The following PRDM10 variants were observed in gnomAD, a reference collection of about 807,000 sequenced individuals.
PRDM10 encodes the protein PR/SET domain 10, also known as PR domain zinc finger protein 10.
In PRDM10, 65 loss-of-function variants were observed where a neutral mutation model predicts 133.1. The observed-to-expected ratio is 0.49, with a 90% CI of 0.40 to 0.60. The LOEUF (loss-of-function observed/expected upper bound fraction) is 0.60. Among genes scored for constraint, PRDM10 ranks in the 20% least tolerant of loss-of-function variants. The pLI is 0.00. For synonymous variants in PRDM10, 582 were observed against 580.4 expected (o/e 1.00, Z -0.04); for missense variants, 1,137 against 1,507.1 (o/e 0.75, Z 4.07).
intron 1 of PRDM10, among the ~76,000 whole-genome samples, chr11:129,996,289 C>T (rs1402134632): frequency 6.6e-6 from 1 of 152,164 alleles, no homozygotes; most frequent in Admixed American, 6.6e-5. Flanking sequence ...TCAACAAGGG[C>T]GGTGTGGGTT....
At chr11:129,997,975 G>C (rs55845284) in intron 1 of PRDM10, among the ~76,000 whole-genome samples, 11,079 of 151,888 alleles carry the variant, frequency 0.073, 495 homozygotes, top group Admixed American at 0.15. Context: ...TGCCACCTGG[G>C]AACACCCTAC....
chr11:129,976,075 G>C (rs745384440), intron 1 of PRDM10, among the ~76,000 whole-genome samples: 1 of 152,166 alleles, frequency 6.6e-6, no homozygotes, highest in Non-Finnish European at 1.5e-5. Flanking sequence ...GGAAGGTCCT[G>C]TCCAGTTCAC....
rs1257794572 is a variant in PRDM10, at chr11:129,947,436, G to A, written c.295-66C>T. ...ACCTGCTTTTGGTTCGCTGGTGCCTGCTGGCACAAACAGGGCGCAAGGGCT... is the reference window on the plus strand; with the variant it reads ...ACCTGCTTTTGGTTCGCTGGTGCCTACTGGCACAAACAGGGCGCAAGGGCT... On this transcript the variant is annotated intron_variant, in intron 4 of 20. Coordinates refer to ENST00000360871, the MANE Select transcript of PRDM10 (RefSeq NM_199437.2). The surrounding 1 kb of genome is among the most constrained non-coding windows in gnomAD (Gnocchi z 4.6). 3 of 1,602,426 alleles carry A rather than the reference G, an allele frequency of 1.9e-6. No individual in the cohort carries two copies. In the African/African-American group the frequency reaches 4.0e-5, roughly 21 times the overall value.
At position 129,932,216 on chromosome 11, in the gene PRDM10, T is replaced by C. The variant is rs900095622; in HGVS notation, c.1173A>G (p.Gly391=). ...LDVFSRTRGR[G]RGRGKRRFGP... is the part of the protein sequence containing the mutation. ...CGAATCGCCTCTTGCCTCGTCCCCT[T>C]CCTCTGCCTCTTGTTCTGGGGACAA... The change falls in exon 10 of 21, where the codon GGA becomes GGG. Residue 391 remains glycine (G), a synonymous_variant. Transcript: ENST00000360871. 2 of 1,614,046 alleles carry C rather than the reference T, an allele frequency of 1.2e-6. No individual in the cohort carries two copies. Among genetic ancestry groups the C allele is most frequent in the South Asian group, 1.1e-5 (1 of 91,058 alleles).
chr11:129,955,167 T>A (rs1951673272), intron 4 of PRDM10, among the ~76,000 whole-genome samples: 1 of 152,192 alleles, frequency 6.6e-6, no homozygotes, highest in South Asian at 2.1e-4. Flanking sequence ...TTTCAGTATT[T>A]AAAAATAGAG....
At chr11:129,902,954 T>C (rs1424291343) in intron 20 of PRDM10, among the ~76,000 whole-genome samples, 1 of 152,130 alleles carries the variant, frequency 6.6e-6, no homozygotes, top group East Asian at 1.9e-4. Flanking sequence ...GTCAAGTCAA[T>C]GGTTCTCAGA....
At position 129,971,629 on chromosome 11, in the gene PRDM10, C is replaced by T. The variant is rs529800449; in HGVS notation, c.-118-10547G>A. Among the ~76,000 whole-genome samples the T allele has an allele frequency of 5.5e-5, 8 of 145,616 alleles. No individual in the cohort carries two copies. The South Asian group carries it at 6.4e-4, about 12-fold the overall frequency. ...AAGGTTCTCCAAGGCCCCACCAGAGCAGCTAGATACAGAGTGTCGATTGGG... is the reference window on the plus strand; with the variant it reads ...AAGGTTCTCCAAGGCCCCACCAGAGTAGCTAGATACAGAGTGTCGATTGGG... On this transcript the variant is annotated intron_variant, in intron 1 of 20. Coordinates refer to ENST00000360871, the MANE Select transcript of PRDM10 (RefSeq NM_199437.2).
At chr11:129,931,351 C>A in intron 10 of PRDM10, 93 bp from the exon 11 acceptor site, 1 of 1,442,844 alleles carries the variant, frequency 6.9e-7, no homozygotes, top group Admixed American at 2.3e-5. Flanking sequence ...TGACTAGATT[C>A]ATAATACTCA....
intron 4 of PRDM10, among the ~76,000 whole-genome samples, chr11:129,952,205 G>A (rs962739315): frequency 4.6e-5 from 7 of 152,096 alleles, no homozygotes; most frequent in African/African-American, 1.4e-4. Flanking sequence ...AAGATGAAGG[G>A]CCCTTTGAAG....
rs1005602526 is a variant in PRDM10, at chr11:129,914,200, C to T, written c.2841+504G>A. 2.0e-5 allele frequency among the ~76,000 whole-genome samples: 3 copies of T among 152,174 alleles called. No homozygotes were observed. In the South Asian group the frequency reaches 6.2e-4, roughly 32 times the overall value. On this transcript the variant is annotated intron_variant, in intron 17 of 20. Coordinates refer to ENST00000360871, the MANE Select transcript of PRDM10 (RefSeq NM_199437.2). Reference sequence around the variant, plus strand: ...TATTTTTAGTAGAGACGAGATTTTGCCATGTTGGCCAGGCTGGTCTCGAAC... The same window carrying T: ...TATTTTTAGTAGAGACGAGATTTTGTCATGTTGGCCAGGCTGGTCTCGAAC...
rs200942452 is a variant in PRDM10, at chr11:129,964,837, TTATC to T, written c.-118-3759_-118-3756del. On this transcript the variant is annotated intron_variant, in intron 1 of 20. Transcript: ENST00000360871. ...GAAGATACTAGCGCAGTTAAAGTGA[TTATC>T]TATCATATGTAAAATGGAGATAATT... Among the ~76,000 whole-genome samples, 1,021 of 152,340 alleles carry T rather than the reference TTATC, an allele frequency of 6.7e-3. 6 individuals are homozygous for T. The highest frequency in any genetic ancestry group is 0.023 in the African/African-American group (954 of 41,558).
At chr11:129,969,996 G>A (rs1206116608) in intron 1 of PRDM10, among the ~76,000 whole-genome samples, 1 of 152,060 alleles carries the variant, frequency 6.6e-6, no homozygotes, top group Non-Finnish European at 1.5e-5. Flanking sequence ...ATAAAAAAGA[G>A]GAAGAAAGAT....
chr11:129,977,906 C>T (rs546562008), intron 1 of PRDM10, among the ~76,000 whole-genome samples: 2 of 151,602 alleles, frequency 1.3e-5, no homozygotes, highest in Admixed American at 6.6e-5. Flanking sequence ...CCAGTGAGTG[C>T]GGTGAGATCG....
At position 129,904,172 on chromosome 11, in the gene PRDM10, A is replaced by AAAG. The variant is rs1460948370; in HGVS notation, c.3267+1465_3267+1466insCTT. On this transcript the variant is annotated intron_variant, in intron 20 of 20. Coordinates refer to ENST00000360871, the MANE Select transcript of PRDM10 (RefSeq NM_199437.2). ...CAGTATACTAAAAAAAAAAAAAAAA[A>AAAG]AAAGGAGAAAAAAAATCAGGTTTTT... Among the ~76,000 whole-genome samples the AAAG allele has an allele frequency of 4.6e-5, 7 of 151,752 alleles. No homozygotes were observed. In the East Asian group the frequency reaches 1.4e-3, roughly 29 times the overall value.
In PRDM10 at chr11:129,925,723, C is replaced by A. The variant is rs202003103; in HGVS notation, c.1531-494G>T. ...AAAACAAAACAAACAAACAAACAAACAAAAAAACAATAAAAAGAACTGAAG... is the reference window on the plus strand; with the variant it reads ...AAAACAAAACAAACAAACAAACAAAAAAAAAAACAATAAAAAGAACTGAAG... On this transcript the variant is annotated intron_variant, in intron 11 of 20. Transcript: ENST00000360871. Among the ~76,000 whole-genome samples the A allele has an allele frequency of 3.0e-3, 461 of 151,582 alleles. 2 individuals are homozygous for A. The highest frequency in any genetic ancestry group is 9.5e-3 in the African/African-American group (393 of 41,442).
chr11:129,989,192 C>T (rs1938594888), intron 1 of PRDM10, among the ~76,000 whole-genome samples: 1 of 152,036 alleles, frequency 6.6e-6, no homozygotes, highest in Non-Finnish European at 1.5e-5. Context: ...GTAATCCCAG[C>T]ACTTTGGGAG....
chr11:129,989,978 G>T (rs1938640527), intron 1 of PRDM10, among the ~76,000 whole-genome samples: 1 of 152,050 alleles, frequency 6.6e-6, no homozygotes, highest in African/African-American at 2.4e-5. Context: ...TGAGGCAGGT[G>T]GATCACCTGA....
intron 20 of PRDM10, among the ~76,000 whole-genome samples, chr11:129,903,538 G>T (rs1030265463): frequency 9.9e-5 from 15 of 151,998 alleles, no homozygotes; most frequent in Admixed American, 3.3e-4. Context: ...AAACGTCTTC[G>T]TGACGTTCAG....
chr11:129,998,147 T>A (rs975712567), intron 1 of PRDM10, among the ~76,000 whole-genome samples: 11 of 152,228 alleles, frequency 7.2e-5, no homozygotes, highest in Non-Finnish European at 1.5e-5. Context: ...ATTTCAACAT[T>A]TAATCAATAT....
Sources: allele counts gnomAD v4.1 joint callset (sites outside exome capture counted in the v4.1 genomes callset), GRCh38; gene constraint gnomAD v4.1.1; non-coding constraint Gnocchi (gnomAD v3.1); transcripts MANE v1.5; gene names NCBI Gene and HGNC (gene_info 2026-07-23, HGNC 2026-07-21).